The following RPS6KA6 variants were observed in gnomAD, a reference collection of about 807,000 sequenced individuals.
RPS6KA6 encodes ribosomal protein S6 kinase A6.
A neutral mutation model predicts 65.4 loss-of-function variants in RPS6KA6; 27 were observed. The observed-to-expected ratio is 0.41, with a 90% CI of 0.30 to 0.57. The LOEUF (loss-of-function observed/expected upper bound fraction) is 0.57. RPS6KA6 is among the 20% of genes least tolerant of loss of function. The pLI is 0.24. For synonymous variants in RPS6KA6, 190 were observed against 184.2 expected (o/e 1.03, Z -0.26); for missense variants, 486 against 555.6 (o/e 0.87, Z 1.26).
intron 8 of RPS6KA6, among the ~76,000 whole-genome samples, chrX:84,131,728 C>T (rs747056226): frequency 8.9e-6 from 1 of 111,871 alleles, no homozygotes; most frequent in East Asian, 2.8e-4. Context: ...AAACTAGCTA[C>T]AAGATTAGAC....
intron 9 of RPS6KA6, among the ~76,000 whole-genome samples, chrX:84,119,204 C>G: frequency 8.9e-6 from 1 of 111,965 alleles, no homozygotes; most frequent in Middle Eastern, 4.6e-3. Flanking sequence ...TCCTACCCCA[C>G]AGGCCTCCTA....
chrX:84,105,228 C>T (rs992108004), intron 16 of RPS6KA6, among the ~76,000 whole-genome samples: 4 of 110,741 alleles, frequency 3.6e-5, no homozygotes, highest in African/African-American at 1.3e-4. Context: ...AAGTGCATAT[C>T]ATTTTCTGAC....
Position 84,102,139 on chromosome X carries a change from T to C in RPS6KA6, c.1674A>G (p.Ala558=), listed in dbSNP as rs907937211. The change falls in exon 18 of 22, where the codon GCA becomes GCG. Residue 558 remains alanine (A), a synonymous_variant. Transcript: ENST00000262752. The part of the protein sequence containing the change: ...NILYMDESAS[A]DSIRICDFGF... The stretch of plus-strand genomic sequence containing the variant: ...CAAAATCACATATCCTGATTGAATC[T>C]GCACTGGCTGATTCATCCATGTATA... 2.6e-6 allele frequency: 3 copies of C among 1,176,343 alleles called. No individual in the cohort carries two copies. The highest frequency in any genetic ancestry group is 3.4e-6 in the Non-Finnish European group (3 of 872,254).
At position 84,146,906 on chromosome X, in the gene RPS6KA6, A is replaced by G. The variant is rs192714470; in HGVS notation, c.421+72T>C. The G allele has an allele frequency of 4.4e-5, 25 of 562,539 alleles. No individual in the cohort carries two copies. In the East Asian group the frequency reaches 8.5e-4, roughly 19 times the overall value. 46.4% of individuals were successfully genotyped at this position (562,539 alleles called of 1,213,427 possible). A position where few individuals can be genotyped will look rare whatever the true frequency, so the allele number is the denominator to read the frequency against. On this transcript the variant is annotated intron_variant, in intron 5 of 21. Coordinates refer to ENST00000262752, the MANE Select transcript of RPS6KA6 (RefSeq NM_014496.5). ...CTGTTATAGTATTGTGTGAAAGGAA[A>G]TCATAATTCTCTAATTCCATATTAA... is the stretch of plus-strand genomic sequence containing the variant.
intron 20 of RPS6KA6, among the ~76,000 whole-genome samples, chrX:84,076,338 TCAGA>T (rs2033663201): frequency 1.8e-5 from 2 of 111,258 alleles, no homozygotes; most frequent in African/African-American, 6.5e-5. Flanking sequence ...AATATCAAAA[TCAGA>T]CAAAGATACT....
At chrX:84,073,884 T>C (rs1381336991) in intron 20 of RPS6KA6, among the ~76,000 whole-genome samples, 4 of 110,921 alleles carry the variant, frequency 3.6e-5, no homozygotes, top group Non-Finnish European at 7.6e-5. Context: ...AATGCTGCCA[T>C]GGATGTAAAG....
chrX:84,135,312 AATAAG>A, intron 6 of RPS6KA6, 102 bp from the exon 7 acceptor site: 1 of 496,626 alleles, frequency 2.0e-6, no homozygotes. Flanking sequence ...CTAGGAAAAT[AATAAG>A]ATAATAAGCA....
At chrX:84,067,256 A>G (rs779120763) in intron 20 of RPS6KA6, among the ~76,000 whole-genome samples, 9 of 111,941 alleles carry the variant, frequency 8.0e-5, no homozygotes, top group Non-Finnish European at 1.3e-4. Context: ...GCAAGGGCAT[A>G]AAACTGGACA....
intron 20 of RPS6KA6, among the ~76,000 whole-genome samples, chrX:84,088,635 G>A (rs2033980149): frequency 8.9e-6 from 1 of 112,149 alleles, no homozygotes; most frequent in Non-Finnish European, 1.9e-5. Flanking sequence ...GAAACAGTCT[G>A]GCTGCTTTTT....
At position 84,145,504 on chromosome X, in the gene RPS6KA6, C is replaced by T. The variant is rs369211354; in HGVS notation, c.475G>A (p.Asp159Asn). Reference sequence around the variant, plus strand: ...TCTTTGGATAATCTTGTGAAAACATCTCCTCCCCTGAGAAAATCCAGTATT... The same window carrying T: ...TCTTTGGATAATCTTGTGAAAACATTTCCTCCCCTGAGAAAATCCAGTATT... ...YLILDFLRGG[D>N]VFTRLSKEVL... is the part of the protein sequence containing the mutation. The change falls in exon 6 of 22, where the codon GAT (aspartate) becomes AAT (asparagine). Residue 159 changes from aspartate to asparagine, a missense_variant. Around this residue, in one of 3 missense-constraint regions of RPS6KA6, gnomAD observed 35 missense variants for 75.5 expected, o/e 0.46. Coordinates refer to ENST00000262752, the MANE Select transcript of RPS6KA6 (RefSeq NM_014496.5). 1 of 1,155,039 alleles carries T rather than the reference C, an allele frequency of 8.7e-7. No individual in the cohort carries two copies. Among genetic ancestry groups the T allele is most frequent in the Non-Finnish European group, 1.2e-6 (1 of 862,724 alleles).
chrX:84,128,460 C>A, intron 8 of RPS6KA6, among the ~76,000 whole-genome samples: 1 of 110,528 alleles, frequency 9.0e-6, no homozygotes, highest in Non-Finnish European at 1.9e-5. Flanking sequence ...AAACACAATA[C>A]CTTTCAAAGT....
chrX:84,068,317 A>G (rs2033450307), intron 20 of RPS6KA6, among the ~76,000 whole-genome samples: 1 of 112,498 alleles, frequency 8.9e-6, no homozygotes, highest in Admixed American at 9.4e-5. Context: ...AACAGAACCA[A>G]TGACAAAAAC....
chrX:84,122,252 TG>T (rs770944107), intron 8 of RPS6KA6, among the ~76,000 whole-genome samples: 69 of 109,745 alleles, frequency 6.3e-4, no homozygotes, highest in Admixed American at 1.1e-3. Flanking sequence ...GCTCAGCAAC[TG>T]GGGGGCTTTA....
chrX:84,067,215 T>C (rs1213686491), intron 20 of RPS6KA6, among the ~76,000 whole-genome samples: 3 of 111,686 alleles, frequency 2.7e-5, no homozygotes, highest in Admixed American at 9.5e-5. Flanking sequence ...AGAATGCCTA[T>C]TTTCCCCCAA....
chrX:84,110,814 A>C (rs2147447259), intron 12 of RPS6KA6, among the ~76,000 whole-genome samples: 1 of 111,177 alleles, frequency 9.0e-6, no homozygotes, highest in African/African-American at 3.3e-5. Context: ...TGACATCCCC[A>C]AAACGTCACA....
intron 20 of RPS6KA6, among the ~76,000 whole-genome samples, 174 bp from the exon 21 acceptor site, chrX:84,065,285 A>AT (rs1324736835): frequency 8.9e-6 from 1 of 111,882 alleles, no homozygotes; most frequent in African/African-American, 3.3e-5. Context: ...CTTGAGAGAT[A>AT]TTTTTCAATA....
At chrX:84,179,678 CTACAAATGATAAACACA>C in intron 1 of RPS6KA6, among the ~76,000 whole-genome samples, 1 of 111,769 alleles carries the variant, frequency 8.9e-6, no homozygotes, top group Non-Finnish European at 1.9e-5. Context: ...TGTAATTGCT[CTACAAATGATAAACACA>C]ATAAATGTTT....
intron 20 of RPS6KA6, among the ~76,000 whole-genome samples, chrX:84,065,677 G>T (rs1416513345): frequency 8.9e-6 from 1 of 111,768 alleles, no homozygotes. Context: ...TATCTCTGTT[G>T]CAATTAAAAA....
intron 6 of RPS6KA6, among the ~76,000 whole-genome samples, chrX:84,144,756 A>G (rs1267341419): frequency 2.7e-5 from 3 of 111,191 alleles, no homozygotes; most frequent in African/African-American, 6.5e-5. Flanking sequence ...AGTAATATCA[A>G]AAACTGCAAT....
Sources: gnomAD v4.1 joint callset for allele counts (sites outside exome capture counted in the v4.1 genomes callset) on GRCh38, gnomAD v4.1.1 for gene constraint, gnomAD v4.1.1 regional missense constraint, MANE v1.5 for transcripts, NCBI Gene and HGNC (gene_info 2026-07-23, HGNC 2026-07-21) for gene names.